The following SBNO2 variants were observed in gnomAD, a reference collection of about 807,000 sequenced individuals.
The protein encoded by SBNO2 is strawberry notch homolog 2, also known as protein strawberry notch homolog 2.
SBNO2 carries 89 observed loss-of-function variants against 146.3 expected under a neutral mutation model. The ratio of observed to expected loss-of-function variants is 0.61; its 90% CI spans 0.51 to 0.73. SBNO2 has a LOEUF of 0.73. SBNO2 is among the 30% of genes least tolerant of loss of function. SBNO2 has a pLI of 0.00. For missense variants in SBNO2, 2,092 were observed against 2,003.7 expected (o/e 1.04, Z -0.84); for synonymous variants, 1,147 against 892.6 (o/e 1.29, Z -5.08).
rs2079964012 is a variant in SBNO2 at position 1,126,225 on chromosome 19, G to A, written c.441+1379C>T. Among the ~76,000 whole-genome samples the A allele has an allele frequency of 1.3e-5, 2 of 152,288 alleles. No individual in the cohort carries two copies. The highest frequency in any genetic ancestry group is 4.1e-4 in the South Asian group (2 of 4,822). On this transcript the variant is annotated intron_variant, in intron 5 of 31. Coordinates refer to ENST00000361757, the MANE Select transcript of SBNO2 (RefSeq NM_014963.3). The surrounding 1 kb of genome is among the most constrained non-coding windows in gnomAD (Gnocchi z 4.4). ...CTGAGGGTTTTTAAAGAAAGTGGAA[G>A]CGTGGCACAGGAAGGTTAGAAACCT... is the stretch of plus-strand genomic sequence containing the variant.
chr19:1,142,696 G>C (rs2145285248), intron 4 of SBNO2, among the ~76,000 whole-genome samples: 1 of 151,762 alleles, frequency 6.6e-6, no homozygotes, highest in East Asian at 1.9e-4. Context: ...CAATAGGCCA[G>C]GTGCGGTGGC....
rs2080086833 is a variant in SBNO2, at chr19:1,136,629, C to A, written c.280-8864G>T. Among the ~76,000 whole-genome samples, 2 of 152,210 alleles carry A rather than the reference C, an allele frequency of 1.3e-5. No homozygotes were observed. The highest frequency in any genetic ancestry group is 1.3e-4 in the Admixed American group (2 of 15,292). ...GACTTCCTGTAAGAAATCCCCCTCT[C>A]CCTCTCCCTCCTTCGCTCCCTCATC... On this transcript the variant is annotated intron_variant, in intron 4 of 31. Transcript: ENST00000361757. The surrounding 1 kb of genome is among the most constrained non-coding windows in gnomAD (Gnocchi z 4.2).
Position 1,144,573 on chromosome 19 carries a change from G to A in SBNO2, c.279+2736C>T, listed in dbSNP as rs2080168700. Among the ~76,000 whole-genome samples the A allele has an allele frequency of 6.6e-6, 1 of 152,038 alleles. No homozygotes were observed. Among genetic ancestry groups the A allele is most frequent in the Non-Finnish European group, 1.5e-5 (1 of 67,986 alleles). ...ACATGGAGAGAGACAGAGACAGGGA[G>A]ACAGAGACGCAGAGACATAGAGACA... On this transcript the variant is annotated intron_variant, in intron 4 of 31. Transcript: ENST00000361757. The surrounding 1 kb of genome is among the most constrained non-coding windows in gnomAD (Gnocchi z 4.1).
At position 1,123,930 on chromosome 19, in the gene SBNO2, G is replaced by A. The variant is rs951122804; in HGVS notation, c.522+12C>T. On this transcript the variant is annotated intron_variant, in intron 6 of 31. Coordinates refer to ENST00000361757, the MANE Select transcript of SBNO2 (RefSeq NM_014963.3). ...GGGCAGGGGAGGGAGCTCTCGGCTG[G>A]GCCCAGCTCACCTGGTAGCTGACGA... 1.2e-6 allele frequency: 2 copies of A among 1,609,554 alleles called. No homozygotes were observed. The highest frequency in any genetic ancestry group is 1.1e-5 in the South Asian group (1 of 90,186).
chr19:1,142,761 G>A (rs1035082585), intron 4 of SBNO2, among the ~76,000 whole-genome samples: 1 of 152,132 alleles, frequency 6.6e-6, no homozygotes, highest in Non-Finnish European at 1.5e-5. Context: ...GAGGTCAGGA[G>A]TTCGAGACCA....
chr19:1,108,293 G>A lies in SBNO2; in HGVS notation c.4028C>T (p.Ala1343Val), dbSNP rs1428199606. 4 of 1,496,088 alleles carry A rather than the reference G, an allele frequency of 2.7e-6. No individual in the cohort carries two copies. The highest frequency in any genetic ancestry group is 3.6e-6 in the Non-Finnish European group (4 of 1,120,060). The allele number at this position is 1,496,088 out of a possible 1,614,324, so 92.7% of individuals were successfully genotyped here. A position where few individuals can be genotyped will look rare whatever the true frequency, so the allele number is the denominator to read the frequency against. The part of the protein sequence containing the change: ...LGEGAGAGGA[A>V]GGGPERQSVI... ...GCTCTGCCGCTCGGGACCACCGCCC[G>A]CCGCGCCCCCCGCCCCCGCGCCCTC... The change falls in exon 32 of 32, where the codon GCG becomes GTG. Residue 1343 changes from alanine to valine, a missense_variant. Ala to Val is a moderately conservative substitution (Grantham distance 64). Coordinates refer to ENST00000361757, the MANE Select transcript of SBNO2 (RefSeq NM_014963.3).
chr19:1,172,600 G>C (rs1269563475), intron 1 of SBNO2, among the ~76,000 whole-genome samples: 1 of 152,236 alleles, frequency 6.6e-6, no homozygotes, highest in Admixed American at 6.5e-5. Flanking sequence ...CAGTCAGGAA[G>C]CAGTGCCGGC....
At position 1,108,171 on chromosome 19, in the gene SBNO2, G is replaced by A. The variant is rs1478258891; in HGVS notation, c.*49C>T. On this transcript the variant is annotated 3_prime_UTR_variant, in exon 32 of 32. Transcript: ENST00000361757. ...GCCCTGCTCCCCACCGCTGCTCCTA[G>A]GGGAGAAACGGTCCCTGTGTCTTGG... The A allele has an allele frequency of 1.3e-5, 20 of 1,488,042 alleles. No individual in the cohort carries two copies. Among genetic ancestry groups the A allele is most frequent in the Non-Finnish European group, 1.7e-5 (19 of 1,112,434 alleles). The allele number at this position is 1,488,042 out of a possible 1,614,324, so 92.2% of individuals were successfully genotyped here. A position where few individuals can be genotyped will look rare whatever the true frequency, so the allele number is the denominator to read the frequency against.
intron 6 of SBNO2, 36 bp downstream of exon 6, chr19:1,123,906 G>A: frequency 3.2e-6 from 5 of 1,587,084 alleles, no homozygotes; most frequent in Non-Finnish European, 4.3e-6. Context: ...CCCATGAGAG[G>A]GCAGGGGAGG....
At chr19:1,134,631 C>A (rs942809271) in intron 4 of SBNO2, among the ~76,000 whole-genome samples, 3 of 152,078 alleles carry the variant, frequency 2.0e-5, no homozygotes, top group African/African-American at 7.2e-5. Context: ...TTCAGGTTAT[C>A]AGGGGGTGGG....
intron 13 of SBNO2, 135 bp downstream of exon 13, chr19:1,119,381 G>T: frequency 1.1e-6 from 1 of 877,938 alleles, no homozygotes; most frequent in Non-Finnish European, 1.7e-6. Flanking sequence ...CCGAGGCAGT[G>T]AAACGAGCGA....
Position 1,123,115 on chromosome 19 carries a change from G to A in SBNO2, c.629-70C>T, listed in dbSNP as rs575050092. ...GGGTGACCAGGGCCGGTTATGGCAC[G>A]CTGGGCGGGTCTGGGGCGTGGCCAG... On this transcript the variant is annotated intron_variant, in intron 7 of 31. Transcript: ENST00000361757. The A allele has an allele frequency of 2.0e-4, 303 of 1,529,536 alleles. 2 individuals are homozygous for A. The South Asian group carries it at 2.8e-3, about 14-fold the overall frequency. 94.7% of individuals were successfully genotyped at this position (1,529,536 alleles called of 1,614,324 possible).
At chr19:1,149,301 T>TC in intron 3 of SBNO2, 68 bp downstream of exon 3, 1 of 1,441,614 alleles carries the variant, frequency 6.9e-7, no homozygotes, top group Non-Finnish European at 9.5e-7. Context: ...CACCCAGAAC[T>TC]CCGTTTGTAA....
chr19:1,151,821 C>G (rs572851943), intron 2 of SBNO2, among the ~76,000 whole-genome samples: 1 of 152,208 alleles, frequency 6.6e-6, no homozygotes, highest in African/African-American at 2.4e-5. Context: ...CGCCACCACG[C>G]CCAGCTAACT....
intron 2 of SBNO2, among the ~76,000 whole-genome samples, chr19:1,153,384 C>A (rs1411025886): frequency 1.4e-5 from 2 of 142,864 alleles, no homozygotes; most frequent in South Asian, 4.5e-4. Flanking sequence ...ATTACAGACA[C>A]CTGCCACCAC....
intron 4 of SBNO2, among the ~76,000 whole-genome samples, chr19:1,141,024 G>GGAGAAGACGCACCCCA (rs2080130956): frequency 1.4e-5 from 2 of 145,866 alleles, no homozygotes; most frequent in South Asian, 2.2e-4. Flanking sequence ...GACACACCCT[G>GGAGAAGACGCACCCCA]GAGAAGACGC....
In SBNO2 at chr19:1,110,970, A is replaced by T. The variant is rs1352864081; in HGVS notation, c.2884+49T>A. The T allele has an allele frequency of 6.2e-7, 1 of 1,609,948 alleles. No individual in the cohort carries two copies. The highest frequency in any genetic ancestry group is 1.3e-5 in the African/African-American group (1 of 74,804). ...GCTCACCACCCGAGGCCAAGGTTGC[A>T]TGAGATGAGAGACAGGAGCGCCTCT... On this transcript the variant is annotated intron_variant, in intron 25 of 31. Transcript: ENST00000361757. The surrounding 1 kb of genome is among the most constrained non-coding windows in gnomAD (Gnocchi z 4.9).
chr19:1,118,447 A>G (rs924099557), intron 14 of SBNO2, among the ~76,000 whole-genome samples: 5 of 152,204 alleles, frequency 3.3e-5, no homozygotes, highest in African/African-American at 9.7e-5. Context: ...CATGGCCCAC[A>G]GCAATGTGGA....
In SBNO2 at chr19:1,131,378, GTC is replaced by G. The variant is rs572792738; in HGVS notation, c.280-3615_280-3614del. ...GCCGGGGCTGCCCGCTGTGGTTCTT[GTC>G]TCTGTAGCATTTCAGGAGCCCTGGG... On this transcript the variant is annotated intron_variant, in intron 4 of 31. Coordinates refer to ENST00000361757, the MANE Select transcript of SBNO2 (RefSeq NM_014963.3). Among the ~76,000 whole-genome samples, 27 of 152,316 alleles carry G rather than the reference GTC, an allele frequency of 1.8e-4. 1 individual carries two copies. The South Asian group carries it at 3.5e-3, about 20-fold the overall frequency.
Sources: gnomAD v4.1 joint callset for allele counts (sites outside exome capture counted in the v4.1 genomes callset) on GRCh38, gnomAD v4.1.1 for gene constraint, Gnocchi (gnomAD v3.1) non-coding constraint, MANE v1.5 for transcripts, NCBI Gene and HGNC (gene_info 2026-07-23, HGNC 2026-07-21) for gene names.